The following HPCAL1 variants were observed in gnomAD, a reference collection of about 807,000 sequenced individuals.
HPCAL1 encodes hippocalcin-like protein 1.
A neutral mutation model predicts 17.1 loss-of-function variants in HPCAL1; 8 were observed. The ratio of observed to expected loss-of-function variants is 0.47; its 90% CI spans 0.27 to 0.84. The LOEUF is 0.84. Ranked by LOEUF, HPCAL1 falls within the 40% of genes least tolerant of loss-of-function variation. The pLI is 0.13. For missense variants in HPCAL1, 165 were observed against 271.1 expected (o/e 0.61, Z 2.75); for synonymous variants, 112 against 111.4 (o/e 1.01, Z -0.03).
intron 2 of HPCAL1, among the ~76,000 whole-genome samples, chr2:10,404,572 G>A (rs1669859528): frequency 6.6e-6 from 1 of 152,192 alleles, no homozygotes; most frequent in African/African-American, 2.4e-5. Context: ...GGGACCTCAT[G>A]CCCTGAGGCA....
chr2:10,378,426 T>A (rs2125531729), intron 1 of HPCAL1, among the ~76,000 whole-genome samples: 1 of 152,118 alleles, frequency 6.6e-6, no homozygotes, highest in Admixed American at 6.5e-5. Context: ...CCGGGCCGCC[T>A]AAATGCAGAC....
chr2:10,407,750 G>A (rs1670058470), intron 2 of HPCAL1, among the ~76,000 whole-genome samples: 1 of 152,222 alleles, frequency 6.6e-6, no homozygotes, highest in African/African-American at 2.4e-5. Flanking sequence ...CAGGTGGAGG[G>A]AACTGCAGGT....
chr2:10,315,648 C>T (rs1205835336), intron 1 of HPCAL1, among the ~76,000 whole-genome samples: 2 of 152,152 alleles, frequency 1.3e-5, no homozygotes, highest in African/African-American at 2.4e-5. Context: ...ATCATAATCC[C>T]TTATTAAAAT....
At position 10,386,490 on chromosome 2, in the gene HPCAL1, A is replaced by ACC. The variant is rs368940787; in HGVS notation, c.-110-10337_-110-10336dup. Among the ~76,000 whole-genome samples, 213 of 144,304 alleles carry ACC rather than the reference A, an allele frequency of 1.5e-3. 1 individual carries two copies. The highest frequency in any genetic ancestry group is 3.5e-3 in the African/African-American group (138 of 39,108). The allele number at this position is 144,304 out of a possible 152,430, so 94.7% of individuals were successfully genotyped here. A position where few individuals can be genotyped will look rare whatever the true frequency, so the allele number is the denominator to read the frequency against. On this transcript the variant is annotated intron_variant, in intron 1 of 4. Coordinates refer to ENST00000307845, the MANE Select transcript of HPCAL1 (RefSeq NM_002149.4). ...CAGGGGCTTTGATGTGGGGAGAAAG[A>ACC]CCCCCCCCCAGGTTACAGGTAAGCC...
chr2:10,353,699 G>A (rs1665970628), intron 1 of HPCAL1, among the ~76,000 whole-genome samples: 1 of 152,212 alleles, frequency 6.6e-6, no homozygotes, highest in Non-Finnish European at 1.5e-5. Context: ...TCCCCAGGTA[G>A]CTGGGATTAT....
intron 1 of HPCAL1, among the ~76,000 whole-genome samples, chr2:10,389,160 G>A (rs559409132): frequency 2.6e-5 from 4 of 152,276 alleles, no homozygotes; most frequent in African/African-American, 7.2e-5. Context: ...CGGAAGTTAC[G>A]GCTCCTTTCC....
intron 2 of HPCAL1, among the ~76,000 whole-genome samples, chr2:10,410,194 G>C (rs1670261534): frequency 6.6e-6 from 1 of 152,136 alleles, no homozygotes; most frequent in Admixed American, 6.5e-5. Context: ...GGATCTGACT[G>C]ATGAAAGCAT....
At chr2:10,334,688 C>T (rs180858199) in intron 1 of HPCAL1, among the ~76,000 whole-genome samples, 2 of 130,828 alleles carry the variant, frequency 1.5e-5, no homozygotes, top group East Asian at 2.0e-4. Context: ...GTATACAATT[C>T]CATTGACTTT....
intron 2 of HPCAL1, among the ~76,000 whole-genome samples, chr2:10,399,349 CCATCACCACCACTACCAT>C (rs1669342068): frequency 1.7e-5 from 1 of 60,420 alleles, no homozygotes; most frequent in African/African-American, 6.8e-5. Flanking sequence ...ACCACCACCA[CCATCACCACCACTACCAT>C]CATCACCACC....
At chr2:10,353,842 G>A (rs749484482) in intron 1 of HPCAL1, among the ~76,000 whole-genome samples, 2 of 152,180 alleles carry the variant, frequency 1.3e-5, no homozygotes, top group East Asian at 3.9e-4. Context: ...GATTACAGGC[G>A]TGAGCCACCA....
chr2:10,304,050 C>G lies in HPCAL1; in HGVS notation c.-111+873C>G, dbSNP rs987970771. On this transcript the variant is annotated intron_variant, in intron 1 of 4. Transcript: ENST00000307845. The surrounding 1 kb of genome is among the most constrained non-coding windows in gnomAD (Gnocchi z 4.1). ...TTCCCCGGGCGTGTTTTGTGCCTCT[C>G]CCTGGCCCTAACTTAACCGCGAAGC... 3 of 152,228 alleles carry G rather than the reference C, an allele frequency of 2.0e-5. No individual in the cohort carries two copies. Among genetic ancestry groups the G allele is most frequent in the Non-Finnish European group, 4.4e-5 (3 of 68,046 alleles). The allele number at this position is 152,228 out of a possible 1,614,324, so 9.4% of individuals were successfully genotyped here.
At position 10,427,515 on chromosome 2, in the gene HPCAL1, C is replaced by G. The variant is rs1162120078; in HGVS notation, c.*694C>G. 1 of 152,244 alleles carries G rather than the reference C, an allele frequency of 6.6e-6. No homozygotes were observed. Among genetic ancestry groups the G allele is most frequent in the African/African-American group, 2.4e-5 (1 of 41,448 alleles). The allele number at this position is 152,244 out of a possible 1,614,324, so 9.4% of individuals were successfully genotyped here. On this transcript the variant is annotated 3_prime_UTR_variant, in exon 5 of 5. Coordinates refer to ENST00000307845, the MANE Select transcript of HPCAL1 (RefSeq NM_002149.4). ...TGTGCCCTGAGCCGTGATGATCCTC[C>G]CATCCGTGTTGTGAGCACAGGCATT...
At chr2:10,423,327 C>A in intron 4 of HPCAL1, 1 of 530,718 alleles carries the variant, frequency 1.9e-6, no homozygotes, top group Non-Finnish European at 3.5e-6. Context: ...CTCTCTGAGC[C>A]ACTGTCTCCC....
At chr2:10,415,408 C>T (rs1670597612) in intron 2 of HPCAL1, among the ~76,000 whole-genome samples, 2 of 152,156 alleles carry the variant, frequency 1.3e-5, no homozygotes, top group South Asian at 4.1e-4. Context: ...AGTTATTCCT[C>T]ATCCTCATAA....
chr2:10,369,325 C>T (rs935422373), intron 1 of HPCAL1: 5 of 152,230 alleles, frequency 3.3e-5, no homozygotes, highest in Non-Finnish European at 7.3e-5. Context: ...TGATGGCTTC[C>T]ACGGCCATCA....
In HPCAL1 at chr2:10,395,121, C is replaced by T. The variant is rs1353078997; in HGVS notation, c.-110-1714C>T. 9.9e-6 allele frequency among the ~76,000 whole-genome samples: 1 copy of T among 100,582 alleles called. No homozygotes were observed. The allele number at this position is 100,582 out of a possible 152,430, so 66.0% of individuals were successfully genotyped here. On this transcript the variant is annotated intron_variant, in intron 1 of 4. Transcript: ENST00000307845. The surrounding 1 kb of genome is among the most constrained non-coding windows in gnomAD (Gnocchi z 4.4). ...CTAAAATCTATCTTTAAAACACACA[C>T]ACACACACACACACACACACACACA...
chr2:10,324,756 G>T (rs1366708627), intron 1 of HPCAL1, among the ~76,000 whole-genome samples: 2 of 150,034 alleles, frequency 1.3e-5, no homozygotes, highest in African/African-American at 4.9e-5. Flanking sequence ...TTTGTGTTGG[G>T]GGTGGGGTTG....
chr2:10,307,014 C>T (rs972708711), intron 1 of HPCAL1, among the ~76,000 whole-genome samples: 1 of 152,162 alleles, frequency 6.6e-6, no homozygotes, highest in Non-Finnish European at 1.5e-5. Context: ...AATCCCGCAG[C>T]TGGGTTGTCT....
chr2:10,358,514 T>C (rs72771679), intron 1 of HPCAL1, among the ~76,000 whole-genome samples: 21,263 of 152,232 alleles, frequency 0.14, 2,328 homozygotes, highest in East Asian at 0.54. Flanking sequence ...ACTCCCATCC[T>C]GTGCCTATAA....
Sources: allele counts gnomAD v4.1 joint callset (sites outside exome capture counted in the v4.1 genomes callset), GRCh38; gene constraint gnomAD v4.1.1; non-coding constraint Gnocchi (gnomAD v3.1); transcripts MANE v1.5; gene names NCBI Gene and HGNC (gene_info 2026-07-23, HGNC 2026-07-21).